Variants in HEATR5B observed in about 807,000 individuals in gnomAD.
HEATR5B encodes the protein HEAT repeat containing 5B.
In HEATR5B, 156 loss-of-function variants were observed where a neutral mutation model predicts 224.1. The ratio of observed to expected loss-of-function variants is 0.70; its 90% CI spans 0.61 to 0.80. The LOEUF is 0.80. HEATR5B is among the 30% of genes least tolerant of loss of function. HEATR5B has a pLI of 0.00. For synonymous variants in HEATR5B, 1,027 were observed against 893.0 expected, an observed-to-expected ratio of 1.15 and a Z score of -2.68; for missense variants, 2,323 against 2,535.5, an observed-to-expected ratio of 0.92 and a Z score of 1.80.
At chr2:37,032,367 GTGATCC>G (rs1669186306) in intron 22 of HEATR5B, among the ~76,000 whole-genome samples, 2 of 152,078 alleles carry the variant, frequency 1.3e-5, no homozygotes. Context: ...TTGGGCTCAA[GTGATCC>G]TCCCACCTCA....
chr2:37,079,592 A>ACC (rs1318494241), intron 2 of HEATR5B, among the ~76,000 whole-genome samples: 1 of 152,200 alleles, frequency 6.6e-6, no homozygotes, highest in Non-Finnish European at 1.5e-5. Flanking sequence ...TCAAAAAGTT[A>ACC]TGAGACCAAC....
intron 18 of HEATR5B, among the ~76,000 whole-genome samples, chr2:37,043,530 T>G (rs927056635): frequency 2.0e-5 from 3 of 152,234 alleles, no homozygotes; most frequent in Non-Finnish European, 4.4e-5. Flanking sequence ...CTGCAAGAGT[T>G]TCAATGGAAA....
At position 37,079,230 on chromosome 2, in the gene HEATR5B, G is replaced by A. The variant is rs771974849; in HGVS notation, c.228C>T (p.Leu76=). The A allele has an allele frequency of 1.1e-5, 18 of 1,608,020 alleles. No individual in the cohort carries two copies. The highest frequency in any genetic ancestry group is 2.7e-5 in the African/African-American group (2 of 74,808). ...PPTRKLLAKN[L]AALYSIGDTF... is the part of the protein sequence containing the mutation. ...TATCCCCAATGCTATAAAGGGCTGCGAGATTTTTAGCTAATAATTTTCGTG... is the reference window on the plus strand; with the variant it reads ...TATCCCCAATGCTATAAAGGGCTGCAAGATTTTTAGCTAATAATTTTCGTG... Residue 76 remains leucine, a synonymous_variant, in exon 3 of 36, where the codon CTC becomes CTT. Coordinates refer to ENST00000233099, the MANE Select transcript of HEATR5B (RefSeq NM_019024.3).
chr2:37,036,171 T>G (rs1487833403), intron 21 of HEATR5B, among the ~76,000 whole-genome samples: 5 of 152,172 alleles, frequency 3.3e-5, no homozygotes, highest in Non-Finnish European at 5.9e-5. Flanking sequence ...ATGTAAAAAG[T>G]GCAAATCTCA....
intron 18 of HEATR5B, among the ~76,000 whole-genome samples, chr2:37,044,585 T>C (rs564018197): frequency 1.1e-4 from 17 of 152,360 alleles, no homozygotes; most frequent in African/African-American, 3.8e-4. Flanking sequence ...TACAAGTGTT[T>C]GTATGCACAT....
At chr2:37,035,499 T>C (rs1463649749) in intron 21 of HEATR5B, among the ~76,000 whole-genome samples, 1 of 152,208 alleles carries the variant, frequency 6.6e-6, no homozygotes, top group South Asian at 2.1e-4. Flanking sequence ...ATAGTAAGTA[T>C]AGCAAATCTT....
At chr2:37,060,863 T>C in intron 11 of HEATR5B, 130 bp from the exon 12 acceptor site, 1 of 582,530 alleles carries the variant, frequency 1.7e-6, no homozygotes, top group Non-Finnish European at 2.9e-6. Flanking sequence ...TACTGATGTT[T>C]AACAATATCT....
At chr2:37,012,667 G>T (rs1351092257) in intron 27 of HEATR5B, among the ~76,000 whole-genome samples, 1 of 152,164 alleles carries the variant, frequency 6.6e-6, no homozygotes, top group African/African-American at 2.4e-5. Context: ...TGGGATTACA[G>T]GTGTGAGCCA....
chr2:37,064,980 C>G lies in HEATR5B; in HGVS notation c.1344G>C (p.Glu448Asp). The G allele has an allele frequency of 6.2e-7, 1 of 1,613,874 alleles. No individual in the cohort carries two copies. Among genetic ancestry groups the G allele is most frequent in the Non-Finnish European group, 8.5e-7 (1 of 1,179,832 alleles). ...LIQEASIGLL[E>D]IVTSVLLHPS... The stretch of plus-strand genomic sequence containing the variant: ...GATGAAGCAGCACTGAAGTCACAAT[C>G]TCCAAAAGCCCTAAACAAGAAATAC... The change falls in exon 10 of 36, where the codon GAG (glutamate) becomes GAC (aspartate). Residue 448 changes from glutamate (E) to aspartate (D), a missense_variant. Physicochemically the swap from Glu to Asp is conservative, Grantham distance 45. Coordinates refer to ENST00000233099, the MANE Select transcript of HEATR5B (RefSeq NM_019024.3).
At chr2:37,003,708 A>G (rs777765164) in intron 30 of HEATR5B, 22 bp from the exon 31 acceptor site, 29 of 1,520,776 alleles carry the variant, frequency 1.9e-5, no homozygotes, top group Middle Eastern at 1.7e-4. Flanking sequence ...AAATACAAAT[A>G]CAGTTAAGTA....
At chr2:37,055,657 TCTCA>T (rs1422407564) in intron 16 of HEATR5B, among the ~76,000 whole-genome samples, 2 of 152,218 alleles carry the variant, frequency 1.3e-5, no homozygotes, top group African/African-American at 4.8e-5. Context: ...GAGATGAGTG[TCTCA>T]CTATGTTTCC....
At chr2:37,083,143 G>A (rs1672719968) in intron 2 of HEATR5B, 146 bp downstream of exon 2, 2 of 824,332 alleles carry the variant, frequency 2.4e-6, no homozygotes, top group South Asian at 3.2e-5. Context: ...TTTGAGTTTT[G>A]CCACTAAATT....
intron 33 of HEATR5B, among the ~76,000 whole-genome samples, chr2:36,994,136 TTAATAA>T (rs1666528077): frequency 1.3e-5 from 2 of 152,082 alleles, no homozygotes; most frequent in Admixed American, 1.3e-4. Context: ...TTCAGCAAAA[TTAATAA>T]TAATATTAAC....
chr2:37,061,403 T>C (rs1671273319), intron 11 of HEATR5B, among the ~76,000 whole-genome samples: 1 of 152,198 alleles, frequency 6.6e-6, no homozygotes, highest in African/African-American at 2.4e-5. Flanking sequence ...GTAGTACATA[T>C]ATGCACACAC....
intron 23 of HEATR5B, 62 bp from the exon 24 acceptor site, chr2:37,028,236 GT>G: frequency 2.9e-6 from 3 of 1,034,932 alleles, no homozygotes; most frequent in Non-Finnish European, 3.9e-6. Context: ...CCTTTAAAAA[GT>G]TATTAATATT....
At chr2:37,022,501 A>G (rs1668526632) in intron 24 of HEATR5B, among the ~76,000 whole-genome samples, 1 of 152,176 alleles carries the variant, frequency 6.6e-6, no homozygotes, top group Non-Finnish European at 1.5e-5. Flanking sequence ...CTCCATTGCA[A>G]CTACTCAACT....
In HEATR5B at chr2:37,038,016, C is replaced by A; in HGVS notation, c.3055G>T (p.Ala1019Ser). The A allele has an allele frequency of 6.6e-7, 1 of 1,517,112 alleles. No individual in the cohort carries two copies. 94.0% of individuals were successfully genotyped at this position (1,517,112 alleles called of 1,614,324 possible). Residue 1019 changes from alanine to serine, a missense_variant, in exon 21 of 36, where the codon GCA (alanine) becomes TCA (serine). Coordinates refer to ENST00000233099, the MANE Select transcript of HEATR5B (RefSeq NM_019024.3). Reference sequence around the variant, plus strand: ...GAGGAACGAATTGTAGAAGTTGTTGCTCCATTCCCTGGTGCAAAATGAAAG... The same window carrying A: ...GAGGAACGAATTGTAGAAGTTGTTGATCCATTCCCTGGTGCAAAATGAAAG... ...TVGPELQGNG[A>S]TTSTIRSSCL...
At chr2:37,068,052 T>C (rs1205161938) in intron 8 of HEATR5B, among the ~76,000 whole-genome samples, 1 of 152,158 alleles carries the variant, frequency 6.6e-6, no homozygotes, top group African/African-American at 2.4e-5. Context: ...GCTTTTAGTA[T>C]TGCTTTTATA....
At chr2:37,063,214 C>G (rs766875202) in intron 10 of HEATR5B, among the ~76,000 whole-genome samples, 23 of 152,042 alleles carry the variant, frequency 1.5e-4, no homozygotes, top group Non-Finnish European at 2.6e-4. Flanking sequence ...GCACTGTTCT[C>G]GGTACTTTGC....
Sources: gnomAD v4.1 joint callset for allele counts (sites outside exome capture counted in the v4.1 genomes callset) on GRCh38, gnomAD v4.1.1 for gene constraint, MANE v1.5 for transcripts, NCBI Gene and HGNC (gene_info 2026-07-23, HGNC 2026-07-21) for gene names.